ECPAS: variants seen among roughly 807,000 people sequenced by gnomAD.
The protein encoded by ECPAS is Ecm29 proteasome adaptor and scaffold, also known as proteasome adapter and scaffold protein ECM29.
In ECPAS, 70 loss-of-function variants were observed where a neutral mutation model predicts 255.1. The observed-to-expected ratio is 0.27, with a 90% CI of 0.23 to 0.33. The LOEUF (loss-of-function observed/expected upper bound fraction) is 0.33, where lower values mean the gene tolerates loss of function less well. ECPAS is among the 10% of genes least tolerant of loss of function. The pLI is 1.00. For missense variants in ECPAS, 1,817 were observed against 2,206.4 expected, an observed-to-expected ratio of 0.82 and a Z score of 3.54; for synonymous variants, 784 against 775.0, an observed-to-expected ratio of 1.01 and a Z score of -0.19.
In ECPAS at chr9:111,472,992, A is replaced by G; in HGVS notation, c.-74T>C. ...CATCCACTCGTACATATGCAATTGT[A>G]TAAAGAATCTATTATTTAGAACACC... On this transcript the variant is annotated 5_prime_UTR_variant, in exon 2 of 50. Coordinates refer to ENST00000684092, the MANE Select transcript of ECPAS (RefSeq NM_001364929.1). 1 of 1,116,976 alleles carries G rather than the reference A, an allele frequency of 9.0e-7. No individual in the cohort carries two copies. The highest frequency in any genetic ancestry group is 2.1e-5 in the South Asian group (1 of 48,726). The allele number at this position is 1,116,976 out of a possible 1,614,324, so 69.2% of individuals were successfully genotyped here.
At chr9:111,442,278 G>T in intron 5 of ECPAS, 28 bp downstream of exon 5, 1 of 1,437,956 alleles carries the variant, frequency 7.0e-7, no homozygotes, top group Non-Finnish European at 9.7e-7. Context: ...CCTGTAGGAG[G>T]GAAATTAGTT....
At chr9:111,478,855 T>A (rs1454919799) in intron 1 of ECPAS, among the ~76,000 whole-genome samples, 1 of 152,256 alleles carries the variant, frequency 6.6e-6, no homozygotes, top group African/African-American at 2.4e-5. Context: ...AATAGTATTG[T>A]AATTCCTTTG....
intron 9 of ECPAS, among the ~76,000 whole-genome samples, chr9:111,428,882 A>G (rs901401091): frequency 9.2e-5 from 14 of 152,276 alleles, no homozygotes; most frequent in Middle Eastern, 3.4e-3. Context: ...TTGTAACATC[A>G]TTCTTCATGT....
At position 111,412,133 on chromosome 9, in the gene ECPAS, T is replaced by C. The variant is rs375619270; in HGVS notation, c.2095A>G (p.Ser699Gly). The change falls in exon 21 of 50, where the codon AGT becomes GGT. Residue 699 changes from serine (S) to glycine (G), a missense_variant. Coordinates refer to ENST00000684092, the MANE Select transcript of ECPAS (RefSeq NM_001364929.1). ...GCCAGTTCGCGCATTTCTTCTTTAC[T>C]GTTATTCATCAGACTCTGAGCAGTA... ...TEWIKSLMNN[S>G]KEEMRELAAL... 68 of 1,587,512 alleles carry C rather than the reference T, an allele frequency of 4.3e-5. No individual in the cohort carries two copies. Among genetic ancestry groups the C allele is most frequent in the African/African-American group, 6.9e-5 (5 of 72,892 alleles).
Position 111,392,886 on chromosome 9 carries a change from C to G in ECPAS, c.2978-4G>C, listed in dbSNP as rs548502988. On this transcript the variant is annotated splice_polypyrimidine_tract_variant and splice_region_variant and intron_variant, in intron 27 of 49. Transcript: ENST00000684092. ...GATGCAACATCTTGGCTAAGTTCTA[C>G]AAGAAAGTCAGACAAGATTGTATCA... 1.3e-4 allele frequency: 200 copies of G among 1,592,210 alleles called. 1 individual carries two copies. The South Asian group carries it at 2.1e-3, about 17-fold the overall frequency.
At chr9:111,380,368 GT>G (rs999849468) in intron 35 of ECPAS, among the ~76,000 whole-genome samples, 1 of 151,818 alleles carries the variant, frequency 6.6e-6, no homozygotes, top group African/African-American at 2.4e-5. Flanking sequence ...TTTTGTTTTT[GT>G]TTTTTTAGCA....
chr9:111,473,353 A>T (rs1423861525), intron 1 of ECPAS, among the ~76,000 whole-genome samples: 1 of 152,218 alleles, frequency 6.6e-6, no homozygotes, highest in East Asian at 1.9e-4. Context: ...TGTTTCAATT[A>T]CATAATAGTT....
At position 111,382,100 on chromosome 9, in the gene ECPAS, T is replaced by G. The variant is rs114986633; in HGVS notation, c.3803+1111A>C. ...TTCCTCCTATTCCATCACATCACCA[T>G]GCACTGGTTGTCTTTTTGTGCTATA... On this transcript the variant is annotated intron_variant, in intron 35 of 49. Transcript: ENST00000684092. Among the ~76,000 whole-genome samples, 346 of 151,882 alleles carry G rather than the reference T, an allele frequency of 2.3e-3. 4 individuals carry two copies. The highest frequency in any genetic ancestry group is 8.2e-3 in the African/African-American group (339 of 41,414).
At chr9:111,459,129 AT>A (rs2132008242) in intron 2 of ECPAS, among the ~76,000 whole-genome samples, 1 of 152,326 alleles carries the variant, frequency 6.6e-6, no homozygotes, top group East Asian at 1.9e-4. Flanking sequence ...TATATATGAT[AT>A]AAAATATTTT....
intron 1 of ECPAS, among the ~76,000 whole-genome samples, chr9:111,483,009 AG>A (rs1251920330): frequency 2.0e-5 from 3 of 152,128 alleles, no homozygotes; most frequent in African/African-American, 4.8e-5. Flanking sequence ...GCTCCATCTG[AG>A]GGTCACCGCC....
rs2098113810 is a variant in ECPAS, at chr9:111,361,988, C to A, written c.*42G>T. On this transcript the variant is annotated 3_prime_UTR_variant, in exon 50 of 50. Coordinates refer to ENST00000684092, the MANE Select transcript of ECPAS (RefSeq NM_001364929.1). ...TTTCAAAGAACACCACCACTTCAACCCCCAATGAACATGGCACTTGTTTGT... is the reference window on the plus strand; with the variant it reads ...TTTCAAAGAACACCACCACTTCAACACCCAATGAACATGGCACTTGTTTGT... 6.3e-7 allele frequency: 1 copy of A among 1,599,068 alleles called. No homozygotes were observed. The highest frequency in any genetic ancestry group is 8.5e-7 in the Non-Finnish European group (1 of 1,171,996).
At chr9:111,468,782 A>T (rs2098282660) in intron 2 of ECPAS, among the ~76,000 whole-genome samples, 1 of 151,438 alleles carries the variant, frequency 6.6e-6, no homozygotes, top group Admixed American at 6.6e-5. Flanking sequence ...AAGTATAGGG[A>T]ATTCACAAAA....
chr9:111,401,550 G>A (rs2098176066), intron 24 of ECPAS, among the ~76,000 whole-genome samples: 1 of 152,232 alleles, frequency 6.6e-6, no homozygotes, highest in Admixed American at 6.5e-5. Flanking sequence ...CAGGGTTTGA[G>A]AGCAGACAAT....
intron 19 of ECPAS, 52 bp from the exon 20 acceptor site, chr9:111,414,038 C>A: frequency 8.2e-7 from 1 of 1,212,164 alleles, no homozygotes. Flanking sequence ...AATGAACATA[C>A]AGGGATCACT....
At chr9:111,443,452 T>C (rs1341978096) in intron 4 of ECPAS, among the ~76,000 whole-genome samples, 1 of 140,532 alleles carries the variant, frequency 7.1e-6, no homozygotes, top group Admixed American at 7.6e-5. Flanking sequence ...GGTTTCACTA[T>C]GATGGCCAGG....
rs142305373 is a variant in ECPAS, at chr9:111,456,529, C to T, written c.23-4974G>A. On this transcript the variant is annotated intron_variant, in intron 2 of 49. Coordinates refer to ENST00000684092, the MANE Select transcript of ECPAS (RefSeq NM_001364929.1). ...AGTTTTATTTGAAAGAATATCCAAA[C>T]GTTCACTAGAATGTGTCTCATTCAG... Among the ~76,000 whole-genome samples the T allele has an allele frequency of 5.3e-4, 80 of 152,232 alleles. 1 individual carries two copies. The highest frequency in any genetic ancestry group is 1.8e-3 in the African/African-American group (74 of 41,528).
chr9:111,391,684 C>T, intron 29 of ECPAS, 72 bp downstream of exon 29: 2 of 947,406 alleles, frequency 2.1e-6, no homozygotes, highest in East Asian at 2.6e-5. Context: ...CATGACTGCT[C>T]TATTTACCAG....
At position 111,388,411 on chromosome 9, in the gene ECPAS, T is replaced by C. The variant is rs935478979; in HGVS notation, c.3447+1145A>G. ...GTTCTCCTGGAGCAAGCAAAACTCA[T>C]TGAGTCTTCAAAGCTGAACCCTCAA... is the stretch of plus-strand genomic sequence containing the variant. On this transcript the variant is annotated intron_variant, in intron 31 of 49. Coordinates refer to ENST00000684092, the MANE Select transcript of ECPAS (RefSeq NM_001364929.1). Among the ~76,000 whole-genome samples the C allele has an allele frequency of 6.0e-5, 9 of 149,532 alleles. No individual in the cohort carries two copies. In the East Asian group the frequency reaches 7.8e-4, roughly 13 times the overall value.
At chr9:111,457,990 T>A (rs1409693816) in intron 2 of ECPAS, among the ~76,000 whole-genome samples, 8 of 152,164 alleles carry the variant, frequency 5.3e-5, no homozygotes, top group Non-Finnish European at 1.5e-5. Context: ...AAAAGAAGTA[T>A]CTAGATTTTG....
Sources: gnomAD v4.1 joint callset for allele counts (sites outside exome capture counted in the v4.1 genomes callset) on GRCh38, gnomAD v4.1.1 for gene constraint, MANE v1.5 for transcripts, NCBI Gene and HGNC (gene_info 2026-07-23, HGNC 2026-07-21) for gene names.